RBFOX3: variants seen among roughly 807,000 people sequenced by gnomAD.
RBFOX3 encodes the protein RNA binding protein fox-1 homolog 3.
A neutral mutation model predicts 48.7 loss-of-function variants in RBFOX3; 17 were observed. The ratio of observed to expected loss-of-function variants is 0.35; its 90% CI spans 0.24 to 0.52. The LOEUF is 0.52. Among genes scored for constraint, RBFOX3 ranks in the 20% least tolerant of loss-of-function variants. RBFOX3 has a pLI of 0.94. For synonymous variants in RBFOX3, 212 were observed against 209.5 expected, an observed-to-expected ratio of 1.01 and a Z score of -0.10; for missense variants, 382 against 497.5, an observed-to-expected ratio of 0.77 and a Z score of 2.21.
chr17:79,463,182 TCGCCACTGCCACC>T (rs2075680407), intron 2 of RBFOX3, among the ~76,000 whole-genome samples: 1 of 43,722 alleles, frequency 2.3e-5, no homozygotes. Flanking sequence ...TCCACCGCCA[TCGCCACTGCCACC>T]GCCATCGCCA....
At chr17:79,582,435 C>T (rs2093102428) in intron 1 of RBFOX3, among the ~76,000 whole-genome samples, 1 of 152,198 alleles carries the variant, frequency 6.6e-6, no homozygotes, top group East Asian at 1.9e-4. Context: ...TCCCCACAGC[C>T]TCTCTTTGTC....
intron 3 of RBFOX3, among the ~76,000 whole-genome samples, chr17:79,269,717 T>C (rs1001668269): frequency 9.9e-5 from 15 of 151,488 alleles, no homozygotes; most frequent in Non-Finnish European, 1.9e-4. Context: ...GTCTTTCCTC[T>C]CCCTTGTCTG....
rs2056251061 is a variant in RBFOX3 at position 79,198,899 on chromosome 17, G to T, written c.-34+36867C>A. Among the ~76,000 whole-genome samples, 1 of 152,186 alleles carries T rather than the reference G, an allele frequency of 6.6e-6. No individual in the cohort carries two copies. Among genetic ancestry groups the T allele is most frequent in the Non-Finnish European group, 1.5e-5 (1 of 68,034 alleles). On this transcript the variant is annotated intron_variant, in intron 4 of 14. Transcript: ENST00000693108. The surrounding 1 kb of genome is among the most constrained non-coding windows in gnomAD (Gnocchi z 8.2). ...TCGCCTCGGCCTCCCAAAGTGCTGG[G>T]ATTACAGGTGTGAGCCACTGCACCT...
chr17:79,428,772 C>T lies in RBFOX3; in HGVS notation c.-175+53682G>A, dbSNP rs2067869330. Among the ~76,000 whole-genome samples, 5 of 152,316 alleles carry T rather than the reference C, an allele frequency of 3.3e-5. No homozygotes were observed. The South Asian group carries it at 8.3e-4, about 25-fold the overall frequency. Reference sequence around the variant, plus strand: ...GACTGAGGGTAGGTGACACTCCCTGCCCCCCGGCTTATGTTCTCAGAACTA... The same window carrying T: ...GACTGAGGGTAGGTGACACTCCCTGTCCCCCGGCTTATGTTCTCAGAACTA... On this transcript the variant is annotated intron_variant, in intron 2 of 14. Transcript: ENST00000693108.
chr17:79,432,793 A>T (rs2068698322), intron 2 of RBFOX3, among the ~76,000 whole-genome samples: 2 of 152,170 alleles, frequency 1.3e-5, no homozygotes, highest in African/African-American at 4.8e-5. Context: ...GATCCTAGAA[A>T]TTCTGCAAGC....
At chr17:79,142,794 A>AC (rs147659440) in intron 4 of RBFOX3, among the ~76,000 whole-genome samples, 1,983 of 152,308 alleles carry the variant, frequency 0.013, 25 homozygotes, top group Non-Finnish European at 0.019. Flanking sequence ...GGGCAGGGAC[A>AC]CAGCCCCCAA....
Position 79,201,206 on chromosome 17 carries a change from G to A in RBFOX3, c.-34+34560C>T, listed in dbSNP as rs116950026. 5.5e-4 allele frequency among the ~76,000 whole-genome samples: 83 copies of A among 152,276 alleles called. No homozygotes were observed. In the East Asian group the frequency reaches 0.014, roughly 27 times the overall value. On this transcript the variant is annotated intron_variant, in intron 4 of 14. Transcript: ENST00000693108. Reference sequence around the variant, plus strand: ...AGCATTGCCCTGACACACAGAGTCCGTCCGCCCACTGGGCTGCTCTCTCCT... The same window carrying A: ...AGCATTGCCCTGACACACAGAGTCCATCCGCCCACTGGGCTGCTCTCTCCT...
At chr17:79,357,774 CAG>C (rs1452514585) in intron 2 of RBFOX3, among the ~76,000 whole-genome samples, 2 of 151,214 alleles carry the variant, frequency 1.3e-5, no homozygotes, top group African/African-American at 2.4e-5. Flanking sequence ...TGTAAAAAGA[CAG>C]AGAAATATTT....
chr17:79,106,055 C>A (rs192789597), intron 6 of RBFOX3, among the ~76,000 whole-genome samples: 1 of 152,232 alleles, frequency 6.6e-6, no homozygotes, highest in East Asian at 1.9e-4. Flanking sequence ...GTGCAAAACC[C>A]GGAACAGGCC....
At chr17:79,607,748 G>A (rs2093867182) in intron 1 of RBFOX3, among the ~76,000 whole-genome samples, 2 of 152,346 alleles carry the variant, frequency 1.3e-5, no homozygotes, top group South Asian at 2.1e-4. Flanking sequence ...GGAGAGAGGT[G>A]TCAAAGAAGG....
chr17:79,356,365 T>TGTTTTTG (rs1568100976), intron 2 of RBFOX3, among the ~76,000 whole-genome samples: 1 of 108,254 alleles, frequency 9.2e-6, no homozygotes, highest in Non-Finnish European at 1.9e-5. Flanking sequence ...TTTTTTTTTT[T>TGTTTTTG]TTTTTTTTTT....
intron 3 of RBFOX3, among the ~76,000 whole-genome samples, chr17:79,251,019 G>A (rs1044545621): frequency 2.0e-5 from 3 of 151,900 alleles, no homozygotes; most frequent in South Asian, 2.1e-4. Flanking sequence ...ATGTTGGCCC[G>A]GCTGGTGTCC....
chr17:79,654,801 C>T, the RBFOX3 span, among the ~76,000 whole-genome samples: 8 of 152,262 alleles, frequency 5.3e-5, no homozygotes, highest in Admixed American at 3.3e-4. Context: ...TCAGAGCCAA[C>T]GTAAAATCCA....
chr17:79,154,922 C>T lies in RBFOX3; in HGVS notation c.-33-39174G>A, dbSNP rs554549087. On this transcript the variant is annotated intron_variant, in intron 4 of 14. Coordinates refer to ENST00000693108, the MANE Select transcript of RBFOX3 (RefSeq NM_001350451.2). The stretch of plus-strand genomic sequence containing the variant: ...TCCCTCCCTGCTCTTCCACAGGCCC[C>T]GGGGTCCTGCGCCTCCCAGGACACC... Among the ~76,000 whole-genome samples the T allele has an allele frequency of 5.3e-5, 8 of 151,120 alleles. No individual in the cohort carries two copies. In the East Asian group the frequency reaches 7.9e-4, roughly 15 times the overall value.
At position 79,090,781 on chromosome 17, in the gene RBFOX3, T is replaced by G; in HGVS notation, c.*102A>C. On this transcript the variant is annotated 3_prime_UTR_variant, in exon 15 of 15. Transcript: ENST00000693108. Reference sequence around the variant, plus strand: ...CTTGGTTTGGTTGGTTTTTTTTTTGTTGCTTGGATCTTAACATCTTTTTTT... The same window carrying G: ...CTTGGTTTGGTTGGTTTTTTTTTTGGTGCTTGGATCTTAACATCTTTTTTT... 1 of 1,345,634 alleles carries G rather than the reference T, an allele frequency of 7.4e-7. No homozygotes were observed. The highest frequency in any genetic ancestry group is 1.0e-6 in the Non-Finnish European group (1 of 995,686). 83.4% of individuals were successfully genotyped at this position (1,345,634 alleles called of 1,614,324 possible).
At chr17:79,092,746 G>A (rs1220494808) in intron 14 of RBFOX3, 1 of 592,328 alleles carries the variant, frequency 1.7e-6, no homozygotes, top group South Asian at 7.4e-5. Flanking sequence ...AAATAGCCAA[G>A]TCTCGATTTC....
At position 79,254,974 on chromosome 17, in the gene RBFOX3, C is replaced by T. The variant is rs2064538138; in HGVS notation, c.-73-19169G>A. Among the ~76,000 whole-genome samples, 1 of 152,194 alleles carries T rather than the reference C, an allele frequency of 6.6e-6. No homozygotes were observed. The highest frequency in any genetic ancestry group is 1.5e-5 in the Non-Finnish European group (1 of 68,032). ...GGACTATGTGCCCTGAGCCCTCTAT[C>T]CTGGGCAGGAACTGTGGGTCAGAGC... On this transcript the variant is annotated intron_variant, in intron 3 of 14. Coordinates refer to ENST00000693108, the MANE Select transcript of RBFOX3 (RefSeq NM_001350451.2). The surrounding 1 kb of genome is among the most constrained non-coding windows in gnomAD (Gnocchi z 4.8).
At position 79,418,660 on chromosome 17, in the gene RBFOX3, G is replaced by T. The variant is rs2065770685; in HGVS notation, c.-175+63794C>A. 6.6e-6 allele frequency among the ~76,000 whole-genome samples: 1 copy of T among 152,206 alleles called. No homozygotes were observed. Among genetic ancestry groups the T allele is most frequent in the African/African-American group, 2.4e-5 (1 of 41,462 alleles). ...AGTGGCAGACTAAGACCAAGACAGA[G>T]AGGGATGGATGTGGCTGTGCCAAGT... On this transcript the variant is annotated intron_variant, in intron 2 of 14. Coordinates refer to ENST00000693108, the MANE Select transcript of RBFOX3 (RefSeq NM_001350451.2). The surrounding 1 kb of genome is among the most constrained non-coding windows in gnomAD (Gnocchi z 5.0).
chr17:79,320,329 C>T (rs368180045), intron 2 of RBFOX3, among the ~76,000 whole-genome samples: 1 of 152,176 alleles, frequency 6.6e-6, no homozygotes, highest in South Asian at 2.1e-4. Context: ...GCAGTCCAGA[C>T]CCCTACCAGT....
Sources: allele counts gnomAD v4.1 joint callset (sites outside exome capture counted in the v4.1 genomes callset), GRCh38; gene constraint gnomAD v4.1.1; non-coding constraint Gnocchi (gnomAD v3.1); transcripts MANE v1.5; gene names NCBI Gene and HGNC (gene_info 2026-07-23, HGNC 2026-07-21).